Variants in ZNF558 observed in about 807,000 individuals in gnomAD.
The protein encoded by ZNF558 is zinc finger protein 558.
A neutral mutation model predicts 37.6 loss-of-function variants in ZNF558; 23 were observed. That is an observed-to-expected ratio of 0.61 (90% CI 0.44 to 0.87). ZNF558 has a LOEUF of 0.87. ZNF558 is among the 40% of genes least tolerant of loss of function. The pLI, the probability that ZNF558 is intolerant of heterozygous loss-of-function variation, is 0.00. For synonymous variants in ZNF558, 189 were observed against 174.4 expected (o/e 1.08, Z -0.66); for missense variants, 429 against 483.7 (o/e 0.89, Z 1.06).
At chr19:8,814,668 C>T (rs1314255992) in intron 7 of ZNF558, among the ~76,000 whole-genome samples, 1 of 152,190 alleles carries the variant, frequency 6.6e-6, no homozygotes, top group Non-Finnish European at 1.5e-5. Flanking sequence ...GGTCAAGGCA[C>T]AGTTAAATGC....
intron 7 of ZNF558, among the ~76,000 whole-genome samples, chr19:8,814,375 G>C (rs942398862): frequency 3.3e-4 from 50 of 152,214 alleles, no homozygotes; most frequent in African/African-American, 1.1e-3. Context: ...TGGTTACCTG[G>C]AACACACGTG....
chr19:8,814,485 A>C (rs528322786), intron 7 of ZNF558, among the ~76,000 whole-genome samples: 1 of 152,294 alleles, frequency 6.6e-6, no homozygotes, highest in South Asian at 2.1e-4. Context: ...TGAAAGGAAA[A>C]ATGGGGAAAA....
Position 8,822,949 on chromosome 19 carries a change from G to T in ZNF558, c.-65-225C>A. 2.1e-6 allele frequency: 1 copy of T among 465,532 alleles called. No individual in the cohort carries two copies. Among genetic ancestry groups the T allele is most frequent in the East Asian group, 3.6e-5 (1 of 27,834 alleles). 28.8% of individuals were successfully genotyped at this position (465,532 alleles called of 1,614,324 possible). On this transcript the variant is annotated intron_variant, in intron 4 of 9. Transcript: ENST00000601372. This position sits in a 1 kb window ranked among gnomAD's most constrained non-coding sequence, Gnocchi z 4.4. ...CGACCAGTACCTCCCTGACCCACCC[G>T]CTTTGAGAACCTCGGCTTCACGCAG...
At chr19:8,827,869 C>G (rs748004652) in intron 2 of ZNF558, among the ~76,000 whole-genome samples, 39 of 152,128 alleles carry the variant, frequency 2.6e-4, no homozygotes, top group Non-Finnish European at 5.3e-4. Context: ...CCACTGCGCC[C>G]AGCTTCTTTC....
At chr19:8,813,800 G>A (rs1290678713) in intron 7 of ZNF558, among the ~76,000 whole-genome samples, 4 of 152,198 alleles carry the variant, frequency 2.6e-5, no homozygotes, top group Non-Finnish European at 5.9e-5. Flanking sequence ...GCACACTTCA[G>A]AGGCCCCAAA....
At chr19:8,832,618 G>A, upstream of ZNF558, 1 of 152,512 alleles carries the variant, frequency 6.6e-6, no homozygotes, top group South Asian at 2.0e-4. Flanking sequence ...GGGCGGGGCT[G>A]AAGGCGGGGA....
intron 7 of ZNF558, among the ~76,000 whole-genome samples, chr19:8,818,680 C>G (rs952220477): frequency 1.3e-5 from 2 of 152,090 alleles, no homozygotes; most frequent in African/African-American, 4.8e-5. Flanking sequence ...GTTATCAAAA[C>G]TTACTACAAT....
At chr19:8,818,268 A>G (rs2043991357) in intron 7 of ZNF558, among the ~76,000 whole-genome samples, 1 of 152,206 alleles carries the variant, frequency 6.6e-6, no homozygotes, top group East Asian at 1.9e-4. Context: ...CCCGGCCAAC[A>G]TGGTGGAACC....
chr19:8,828,592 AGT>A, intron 2 of ZNF558, among the ~76,000 whole-genome samples: 1 of 152,306 alleles, frequency 6.6e-6, no homozygotes, highest in East Asian at 1.9e-4. Context: ...AGTCTAAACC[AGT>A]GTGTAACCTC....
chr19:8,823,939 AACCTCCTCTCCTCTCTTTAAACTTCAC>A (rs997253135), intron 4 of ZNF558, 116 bp downstream of exon 4: 1 of 152,256 alleles, frequency 6.6e-6, no homozygotes, highest in African/African-American at 2.4e-5. Flanking sequence ...CCACTCGTCA[AACCTCCTCTCCTCTCTTTAAACTTCAC>A]ACCTCCTCCC....
upstream of ZNF558, among the ~76,000 whole-genome samples, chr19:8,836,559 A>G (rs2044458029): frequency 1.3e-5 from 2 of 151,346 alleles, no homozygotes; most frequent in African/African-American, 2.4e-5. Context: ...TGGTGCAAAC[A>G]TGGCTCATTG....
intron 2 of ZNF558, among the ~76,000 whole-genome samples, chr19:8,827,345 T>G (rs1043048745): frequency 6.6e-6 from 1 of 152,092 alleles, no homozygotes; most frequent in Non-Finnish European, 1.5e-5. Flanking sequence ...ATCATCTGAT[T>G]CCTAAACTAC....
rs753184227 is a variant in ZNF558, at chr19:8,822,670, C to T, written c.-11G>A. On this transcript the variant is annotated 5_prime_UTR_variant, in exon 5 of 10. Transcript: ENST00000601372. This position sits in a 1 kb window ranked among gnomAD's most constrained non-coding sequence, Gnocchi z 4.4. ...GATGACAGCCGCCATCCTGTGACTC[C>T]GACAGCAACAGGGCAGCCGGGAAGC... 37 of 1,613,962 alleles carry T rather than the reference C, an allele frequency of 2.3e-5. No individual in the cohort carries two copies. Among genetic ancestry groups the T allele is most frequent in the African/African-American group, 8.0e-5 (6 of 74,878 alleles).
intron 8 of ZNF558, 135 bp from the exon 9 acceptor site, chr19:8,812,778 T>A (rs1321106173): frequency 3.6e-6 from 2 of 559,600 alleles, no homozygotes; most frequent in African/African-American, 1.9e-5. Flanking sequence ...TATGAAAATT[T>A]TAGGTATTAA....
At chr19:8,820,586 A>G (rs2044059234) in intron 7 of ZNF558, among the ~76,000 whole-genome samples, 1 of 148,270 alleles carries the variant, frequency 6.7e-6, no homozygotes, top group Non-Finnish European at 1.5e-5. Context: ...GGTTCAAGCG[A>G]TTCTCCTGCC....
intron 8 of ZNF558, 72 bp from the exon 9 acceptor site, chr19:8,812,715 AG>A: frequency 1.1e-6 from 1 of 921,162 alleles, no homozygotes; most frequent in Non-Finnish European, 1.6e-6. Context: ...GAGTAAAGGC[AG>A]ATTCTGAGGG....
rs1555768313 is a variant in ZNF558, at chr19:8,811,947, G to A, written c.543C>T (p.Asp181=). The part of the protein sequence containing the change: ...KRIHTGEKPY[D]CSQCGKSFSS... ...TGAAGGACTTCCCACATTGACTACA[G>A]TCATAGGGTTTTTCTCCAGTATGAA... Residue 181 remains aspartate, a synonymous_variant, in exon 10 of 10, where the codon GAC becomes GAT. Transcript: ENST00000601372. The A allele has an allele frequency of 1.2e-6, 2 of 1,613,658 alleles. No individual in the cohort carries two copies. Among genetic ancestry groups the A allele is most frequent in the Non-Finnish European group, 1.7e-6 (2 of 1,179,886 alleles).
intron 2 of ZNF558, among the ~76,000 whole-genome samples, chr19:8,827,405 G>A (rs1054168225): frequency 1.3e-5 from 2 of 151,854 alleles, no homozygotes; most frequent in African/African-American, 4.8e-5. Context: ...TCTGAATCCT[G>A]AAGTCCTTGT....
intron 7 of ZNF558, among the ~76,000 whole-genome samples, chr19:8,817,240 A>G (rs973903543): frequency 6.6e-6 from 1 of 152,158 alleles, no homozygotes; most frequent in African/African-American, 2.4e-5. Context: ...AAATAACCCA[A>G]TTACAGATGG....
Sources: gnomAD v4.1 joint callset for allele counts (sites outside exome capture counted in the v4.1 genomes callset) on GRCh38, gnomAD v4.1.1 for gene constraint, Gnocchi (gnomAD v3.1) non-coding constraint, MANE v1.5 for transcripts, NCBI Gene and HGNC (gene_info 2026-07-23, HGNC 2026-07-21) for gene names.